Variants in ATP8A2 observed in about 807,000 individuals in gnomAD.
ATP8A2 encodes the protein phospholipid-transporting ATPase IB.
In ATP8A2, 100 loss-of-function variants were observed where a neutral mutation model predicts 165.6. That is an observed-to-expected ratio of 0.60 (90% CI 0.51 to 0.71). The LOEUF (loss-of-function observed/expected upper bound fraction) is 0.71. Among genes scored for constraint, ATP8A2 ranks in the 30% least tolerant of loss-of-function variants. ATP8A2 has a pLI of 0.00. For missense variants in ATP8A2, 1,227 were observed against 1,479.5 expected, an observed-to-expected ratio of 0.83 and a Z score of 2.80; for synonymous variants, 543 against 548.8, an observed-to-expected ratio of 0.99 and a Z score of 0.15.
At chr13:25,644,626 A>T (rs1490877609) in intron 24 of ATP8A2, among the ~76,000 whole-genome samples, 3 of 151,852 alleles carry the variant, frequency 2.0e-5, no homozygotes, top group Non-Finnish European at 4.4e-5. Flanking sequence ...TAAAAAATTC[A>T]TGTCAGTTCT....
chr13:25,480,964 G>A (rs2036173900), intron 2 of ATP8A2, among the ~76,000 whole-genome samples: 1 of 152,166 alleles, frequency 6.6e-6, no homozygotes, highest in Non-Finnish European at 1.5e-5. Flanking sequence ...GACCAGCCCG[G>A]GCAACACAGC....
intron 10 of ATP8A2, among the ~76,000 whole-genome samples, chr13:25,545,831 C>T (rs61948619): frequency 0.07 from 10,659 of 152,160 alleles, 499 homozygotes; most frequent in African/African-American, 0.12. Flanking sequence ...GACGGGATTT[C>T]ACCATGTTGC....
At chr13:25,450,733 A>C (rs144637273) in intron 1 of ATP8A2, among the ~76,000 whole-genome samples, 1 of 151,956 alleles carries the variant, frequency 6.6e-6, no homozygotes, top group Non-Finnish European at 1.5e-5. Flanking sequence ...GGGTTTCACC[A>C]TGTTAGCCAG....
intron 35 of ATP8A2, among the ~76,000 whole-genome samples, chr13:26,007,600 C>A (rs1956767882): frequency 6.6e-6 from 1 of 152,174 alleles, no homozygotes; most frequent in African/African-American, 2.4e-5. Context: ...ACTGAGCTAA[C>A]TCAGAAAAGA....
chr13:25,639,720 C>T lies in ATP8A2; in HGVS notation c.2211+50021C>T, dbSNP rs181899060. On this transcript the variant is annotated intron_variant, in intron 24 of 36. Coordinates refer to ENST00000381655, the MANE Select transcript of ATP8A2 (RefSeq NM_016529.6). The stretch of plus-strand genomic sequence containing the variant: ...GAGACAGAAAGTTAACAAGGATATC[C>T]GGGAATTGAACTCAGCTGTGCACCA... Among the ~76,000 whole-genome samples the T allele has an allele frequency of 7.4e-3, 1,118 of 151,514 alleles. 12 individuals are homozygous for T. Among genetic ancestry groups the T allele is most frequent in the African/African-American group, 0.025 (1,036 of 40,872 alleles).
chr13:25,449,149 C>T (rs1368333137), intron 1 of ATP8A2, among the ~76,000 whole-genome samples: 2 of 152,108 alleles, frequency 1.3e-5, no homozygotes, highest in Non-Finnish European at 2.9e-5. Context: ...ATCTTTCTCT[C>T]TTTTTGCTCT....
intron 24 of ATP8A2, among the ~76,000 whole-genome samples, chr13:25,641,036 C>T (rs148486231): frequency 3.2e-3 from 484 of 152,222 alleles, no homozygotes; most frequent in African/African-American, 0.01. Flanking sequence ...CAGAAAAAGC[C>T]GTTGACAAAA....
At chr13:25,463,925 C>G (rs551561664) in intron 1 of ATP8A2, among the ~76,000 whole-genome samples, 12 of 152,230 alleles carry the variant, frequency 7.9e-5, no homozygotes, top group African/African-American at 2.6e-4. Flanking sequence ...TTCACCTGTC[C>G]TCTTATTGCT....
chr13:25,869,342 A>T (rs1952613968), intron 33 of ATP8A2, among the ~76,000 whole-genome samples: 1 of 151,932 alleles, frequency 6.6e-6, no homozygotes, highest in Non-Finnish European at 1.5e-5. Context: ...GTGGTTTCAG[A>T]TTCTTTCTAC....
At chr13:25,506,717 AG>A (rs1299189238) in intron 2 of ATP8A2, among the ~76,000 whole-genome samples, 1 of 152,072 alleles carries the variant, frequency 6.6e-6, no homozygotes, top group Non-Finnish European at 1.5e-5. Flanking sequence ...ATAATCCCAA[AG>A]GGCTGGGATT....
chr13:25,403,280 C>T (rs1188271745), intron 1 of ATP8A2, among the ~76,000 whole-genome samples: 1 of 152,136 alleles, frequency 6.6e-6, no homozygotes, highest in Non-Finnish European at 1.5e-5. Context: ...TCCCTGCCTC[C>T]ATTACTGTGA....
At chr13:25,983,642 C>G (rs1381990619) in intron 35 of ATP8A2, among the ~76,000 whole-genome samples, 1 of 152,132 alleles carries the variant, frequency 6.6e-6, no homozygotes, top group African/African-American at 2.4e-5. Flanking sequence ...ACTTTCCAGG[C>G]ATGGTTCCTT....
intron 25 of ATP8A2, among the ~76,000 whole-genome samples, chr13:25,729,411 C>T (rs1291429252): frequency 6.6e-6 from 1 of 152,178 alleles, no homozygotes; most frequent in Non-Finnish European, 1.5e-5. Flanking sequence ...CACATATTTT[C>T]GTATGTTGTC....
intron 35 of ATP8A2, among the ~76,000 whole-genome samples, chr13:25,986,201 G>A (rs1956278334): frequency 6.6e-6 from 1 of 152,160 alleles, no homozygotes; most frequent in African/African-American, 2.4e-5. Context: ...TCACTTCACA[G>A]TTACCCTTGT....
chr13:25,699,101 AT>A, intron 24 of ATP8A2, 71 bp from the exon 25 acceptor site: 2 of 1,240,940 alleles, frequency 1.6e-6, no homozygotes, highest in East Asian at 4.9e-5. Context: ...AAGAAACTTA[AT>A]TTTGAATTCT....
chr13:25,591,175 T>C (rs2040065785), intron 24 of ATP8A2: 1 of 417,562 alleles, frequency 2.4e-6, no homozygotes, highest in Non-Finnish European at 4.9e-6. Flanking sequence ...TGTTGTGAAA[T>C]ACATCATTTA....
intron 2 of ATP8A2, among the ~76,000 whole-genome samples, chr13:25,474,422 C>T (rs1367903172): frequency 2.0e-5 from 3 of 151,708 alleles, no homozygotes; most frequent in African/African-American, 4.8e-5. Flanking sequence ...ATTAGCTGGG[C>T]GTGGTGGTGG....
intron 27 of ATP8A2, among the ~76,000 whole-genome samples, chr13:25,786,719 G>A (rs191461220): frequency 3.5e-4 from 53 of 150,704 alleles, no homozygotes; most frequent in African/African-American, 1.2e-3. Context: ...AATTTACACG[G>A]AGTAAAATTA....
intron 24 of ATP8A2, among the ~76,000 whole-genome samples, chr13:25,667,196 C>G (rs1275331344): frequency 2.0e-5 from 3 of 152,040 alleles, no homozygotes; most frequent in Admixed American, 1.3e-4. Flanking sequence ...ATGGATTTAC[C>G]CACTCTGATT....
Sources: allele counts gnomAD v4.1 joint callset (sites outside exome capture counted in the v4.1 genomes callset), GRCh38; gene constraint gnomAD v4.1.1; transcripts MANE v1.5; gene names NCBI Gene and HGNC (gene_info 2026-07-23, HGNC 2026-07-21).